GPR139: variants seen among roughly 807,000 people sequenced by gnomAD.
GPR139 encodes the protein G protein-coupled receptor 139.
A neutral mutation model predicts 25.8 loss-of-function variants in GPR139; 12 were observed. The observed-to-expected ratio is 0.47, with a 90% CI of 0.30 to 0.75. GPR139 has a LOEUF of 0.75. GPR139 is among the 30% of genes least tolerant of loss of function. The pLI, the probability that GPR139 is intolerant of heterozygous loss-of-function variation, is 0.07. For missense variants in GPR139, 380 were observed against 450.2 expected, an observed-to-expected ratio of 0.84 and a Z score of 1.41; for synonymous variants, 184 against 179.9, an observed-to-expected ratio of 1.02 and a Z score of -0.18.
At chr16:20,041,179 AGGGGAGGGGAGGGGAGGG>A (rs1339397323) in intron 1 of GPR139, among the ~76,000 whole-genome samples, 1 of 238 alleles carries the variant, frequency 4.2e-3, no homozygotes. Flanking sequence ...AGGGGAGGGG[AGGGGAGGGGAGGGGAGGG>A]GAGGAGAGGA....
rs2057286448 is a variant in GPR139, at chr16:20,031,207, C to A, written c.*528G>T. 1.3e-5 allele frequency among the ~76,000 whole-genome samples: 2 copies of A among 152,016 alleles called. No individual in the cohort carries two copies. Among genetic ancestry groups the A allele is most frequent in the South Asian group, 4.1e-4 (2 of 4,820 alleles). On this transcript the variant is annotated 3_prime_UTR_variant, in exon 2 of 2. Coordinates refer to ENST00000570682, the MANE Select transcript of GPR139 (RefSeq NM_001002911.4). ...CATTCTGAAGCTAGGAGTGCCAGAGCCAATTCAAGACCACAACCCTCTCTA... is the reference window on the plus strand; with the variant it reads ...CATTCTGAAGCTAGGAGTGCCAGAGACAATTCAAGACCACAACCCTCTCTA...
intron 1 of GPR139, among the ~76,000 whole-genome samples, chr16:20,065,187 C>G (rs2057427216): frequency 6.6e-6 from 1 of 152,158 alleles, no homozygotes; most frequent in African/African-American, 2.4e-5. Flanking sequence ...GTTTGGCTCA[C>G]AAAGTGCTGG....
chr16:20,065,877 C>CAAAA lies in GPR139; in HGVS notation c.127+7609_127+7612dup, dbSNP rs11307746. On this transcript the variant is annotated intron_variant, in intron 1 of 1. Transcript: ENST00000570682. ...CACGGGTGACACAGTGAGACTATCT[C>CAAAA]AAAAAAAAAAAAAAAAAAGTTAAAT... Among the ~76,000 whole-genome samples, 316 of 118,830 alleles carry CAAAA rather than the reference C, an allele frequency of 2.7e-3. 1 individual carries two copies. Among genetic ancestry groups the CAAAA allele is most frequent in the African/African-American group, 8.9e-3 (307 of 34,322 alleles). The allele number at this position is 118,830 out of a possible 152,430, so 78.0% of individuals were successfully genotyped here.
chr16:20,056,673 T>C (rs1397122934), intron 1 of GPR139, among the ~76,000 whole-genome samples: 1 of 152,234 alleles, frequency 6.6e-6, no homozygotes, highest in Non-Finnish European at 1.5e-5. Flanking sequence ...AATTGATGAC[T>C]CTTTTTAAGC....
At position 20,073,470 on chromosome 16, in the gene GPR139, C is replaced by T. The variant is rs370022509; in HGVS notation, c.127+20G>A. The T allele has an allele frequency of 3.0e-5, 48 of 1,607,914 alleles. 1 individual carries two copies. The highest frequency in any genetic ancestry group is 3.3e-4 in the Middle Eastern group (2 of 6,056). On this transcript the variant is annotated intron_variant, in intron 1 of 1. Transcript: ENST00000570682. The surrounding 1 kb of genome is among the most constrained non-coding windows in gnomAD (Gnocchi z 4.7). ...CACTTGGGGTTCCTGGCTTCCCTCCCTCTCCCCCACGCCCCTCACCTGGTA... is the reference window on the plus strand; with the variant it reads ...CACTTGGGGTTCCTGGCTTCCCTCCTTCTCCCCCACGCCCCTCACCTGGTA...
Position 20,073,866 on chromosome 16 carries a change from G to A in GPR139, c.-250C>T, listed in dbSNP as rs748866549. ...GCGGGGCGCGCTGCGCGGGGCCTCG[G>A]GAGGGGCTCCCGGAGCCCGTCTGTG... On this transcript the variant is annotated 5_prime_UTR_variant, in exon 1 of 2. Transcript: ENST00000570682. The surrounding 1 kb of genome is among the most constrained non-coding windows in gnomAD (Gnocchi z 4.7). The A allele has an allele frequency of 6.8e-6, 3 of 441,980 alleles. No homozygotes were observed. The highest frequency in any genetic ancestry group is 1.2e-5 in the Non-Finnish European group (3 of 254,040). 27.4% of individuals were successfully genotyped at this position (441,980 alleles called of 1,614,324 possible). A position where few individuals can be genotyped will look rare whatever the true frequency, so the allele number is the denominator to read the frequency against.
At chr16:20,061,664 T>C (rs1181172021) in intron 1 of GPR139, among the ~76,000 whole-genome samples, 2 of 152,200 alleles carry the variant, frequency 1.3e-5, no homozygotes, top group African/African-American at 4.8e-5. Context: ...GCTTCCACTT[T>C]ATAGAAAAAC....
chr16:20,037,800 T>G (rs2057315089), intron 1 of GPR139, among the ~76,000 whole-genome samples: 1 of 152,228 alleles, frequency 6.6e-6, no homozygotes, highest in African/African-American at 2.4e-5. Flanking sequence ...GCATAAAGAA[T>G]GCGTTTCCTG....
At chr16:20,057,510 ATCCATCCATCCATCCATCCATCCG>A (rs1467578779) in intron 1 of GPR139, among the ~76,000 whole-genome samples, 1 of 151,360 alleles carries the variant, frequency 6.6e-6, no homozygotes, top group Non-Finnish European at 1.5e-5. Context: ...CATCTATACC[ATCCATCCATCCATCCATCCATCCG>A]TCCATCCATC....
intron 1 of GPR139, among the ~76,000 whole-genome samples, chr16:20,034,116 A>G (rs2057301735): frequency 1.3e-5 from 2 of 152,060 alleles, no homozygotes; most frequent in Admixed American, 6.5e-5. Flanking sequence ...CTCACAGTCA[A>G]CCCTGAAATT....
intron 1 of GPR139, among the ~76,000 whole-genome samples, chr16:20,033,559 A>G (rs995546000): frequency 6.6e-6 from 1 of 152,184 alleles, no homozygotes; most frequent in Non-Finnish European, 1.5e-5. Flanking sequence ...ACCTCTTAAG[A>G]ACCTCTTCAG....
chr16:20,067,820 A>AAG lies in GPR139; in HGVS notation c.127+5669_127+5670insCT, dbSNP rs1158034073. On this transcript the variant is annotated intron_variant, in intron 1 of 1. Coordinates refer to ENST00000570682, the MANE Select transcript of GPR139 (RefSeq NM_001002911.4). Reference sequence around the variant, plus strand: ...ACTCCATCTCAAAAAAAAAAAAAAAAAAAAGCATTGGAGTGCCTATGTGCT... The same window carrying AAG: ...ACTCCATCTCAAAAAAAAAAAAAAAAAGAAAAGCATTGGAGTGCCTATGTGCT... Among the ~76,000 whole-genome samples the AAG allele has an allele frequency of 3.0e-4, 45 of 151,780 alleles. 1 individual carries two copies. The highest frequency in any genetic ancestry group is 9.4e-4 in the African/African-American group (39 of 41,366).
intron 1 of GPR139, among the ~76,000 whole-genome samples, chr16:20,046,021 A>C (rs1183051829): frequency 2.0e-5 from 3 of 152,132 alleles, no homozygotes; most frequent in Non-Finnish European, 4.4e-5. Flanking sequence ...AGGCTAATTG[A>C]GGCTCTGCCT....
In GPR139 at chr16:20,032,638, C is replaced by A. The variant is rs141495504; in HGVS notation, c.159G>T (p.Gln53His). ...AGGACTTCTGTCTTCTTGCCACCAG[C>A]TGGGAGAGGATGATCACTGTCAAGA... ...ANILTVIILS[Q>H]LVARRQKSSY... The change falls in exon 2 of 2, where the codon CAG (glutamine) becomes CAT (histidine). Residue 53 changes from glutamine (Q) to histidine (H), a missense_variant. Transcript: ENST00000570682. The A allele has an allele frequency of 1.2e-6, 2 of 1,609,326 alleles. No homozygotes were observed. The highest frequency in any genetic ancestry group is 2.7e-5 in the African/African-American group (2 of 74,842).
intron 1 of GPR139, among the ~76,000 whole-genome samples, chr16:20,041,152 A>G (rs909010823): frequency 4.3e-3 from 1 of 230 alleles, no homozygotes; most frequent in Admixed American, 0.031. Flanking sequence ...AGAGGAGACG[A>G]GAGGGGAGGG....
chr16:20,059,236 C>A (rs985349781), intron 1 of GPR139, among the ~76,000 whole-genome samples: 1 of 152,150 alleles, frequency 6.6e-6, no homozygotes, highest in African/African-American at 2.4e-5. Flanking sequence ...TTGGAAAACC[C>A]AAATTGGATC....
chr16:20,065,887 A>G (rs2057432329), intron 1 of GPR139, among the ~76,000 whole-genome samples: 1 of 152,172 alleles, frequency 6.6e-6, no homozygotes, highest in Non-Finnish European at 1.5e-5. Flanking sequence ...CAAAAAAAAA[A>G]AAAAAAAAGT....
rs1567236054 is a variant in GPR139, at chr16:20,041,245, GGAGAGGGAA to G, written c.128-8585_128-8577del. ...GGAGAGGAGAGGAGAGGAGAGGAGA[GGAGAGGGAA>G]GGAGAAAAGAAAAGCATCTCTCTCT... On this transcript the variant is annotated intron_variant, in intron 1 of 1. Transcript: ENST00000570682. 3.7e-3 allele frequency among the ~76,000 whole-genome samples: 22 copies of G among 5,994 alleles called. 8 individuals are homozygous for G. Among genetic ancestry groups the G allele is most frequent in the African/African-American group, 9.6e-3 (16 of 1,664 alleles). 3.9% of individuals were successfully genotyped at this position (5,994 alleles called of 152,430 possible).
At chr16:20,055,904 ATAGC>A (rs2057387082) in intron 1 of GPR139, among the ~76,000 whole-genome samples, 1 of 152,246 alleles carries the variant, frequency 6.6e-6, no homozygotes, top group South Asian at 2.1e-4. Context: ...GAATTGGGTA[ATAGC>A]ATCTACTTCA....
Sources: allele counts gnomAD v4.1 joint callset (sites outside exome capture counted in the v4.1 genomes callset), GRCh38; gene constraint gnomAD v4.1.1; non-coding constraint Gnocchi (gnomAD v3.1); transcripts MANE v1.5; gene names NCBI Gene and HGNC (gene_info 2026-07-23, HGNC 2026-07-21).